The following NPAS3 variants were observed in gnomAD, a reference collection of about 807,000 sequenced individuals.
NPAS3 encodes the protein neuronal PAS domain-containing protein 3.
Under a neutral mutation model 73.1 loss-of-function variants are expected in NPAS3, and 14 were observed. The observed-to-expected ratio is 0.19, with a 90% CI of 0.13 to 0.30. NPAS3 has a LOEUF of 0.30. NPAS3 is among the 10% of genes least tolerant of loss of function. NPAS3 has a pLI of 1.00. For synonymous variants in NPAS3, 620 were observed against 541.5 expected (o/e 1.14, Z -2.01); for missense variants, 1,096 against 1,250.0 (o/e 0.88, Z 1.86).
intron 2 of NPAS3, among the ~76,000 whole-genome samples, chr14:33,071,081 C>A (rs1316582281): frequency 6.6e-6 from 1 of 152,098 alleles, no homozygotes; most frequent in Non-Finnish European, 1.5e-5. Context: ...GTACAACTTA[C>A]CCCCATGACA....
At chr14:33,059,064 G>A (rs76599562) in intron 2 of NPAS3, among the ~76,000 whole-genome samples, 5,817 of 152,228 alleles carry the variant, frequency 0.038, 128 homozygotes, top group East Asian at 0.058. Context: ...CTGGCCTCAC[G>A]TTAGTAACTT....
intron 4 of NPAS3, among the ~76,000 whole-genome samples, chr14:33,495,253 C>T (rs2052115701): frequency 1.3e-5 from 2 of 152,050 alleles, no homozygotes; most frequent in African/African-American, 4.8e-5. Context: ...GGAGCAGGAG[C>T]AGGTTGTTCA....
At chr14:33,797,633 A>G (rs1595635356) in intron 11 of NPAS3, 52 bp downstream of exon 11, 2 of 1,584,456 alleles carry the variant, frequency 1.3e-6, no homozygotes, top group Non-Finnish European at 1.7e-6. Context: ...CACCACGCGC[A>G]GGGGGTGGGC....
chr14:33,644,525 ATC>A (rs1567082670), intron 5 of NPAS3, among the ~76,000 whole-genome samples: 1 of 152,098 alleles, frequency 6.6e-6, no homozygotes, highest in African/African-American at 2.4e-5. Flanking sequence ...TAAGTCACAT[ATC>A]TGTTTTCATT....
At chr14:33,455,839 A>G (rs760893749) in intron 4 of NPAS3, among the ~76,000 whole-genome samples, 4 of 152,230 alleles carry the variant, frequency 2.6e-5, no homozygotes, top group Admixed American at 6.5e-5. Flanking sequence ...ATGCATGTAC[A>G]AAAGTTAAAG....
At chr14:33,384,447 A>G (rs1333789499) in intron 4 of NPAS3, among the ~76,000 whole-genome samples, 2 of 151,746 alleles carry the variant, frequency 1.3e-5, no homozygotes, top group Admixed American at 6.6e-5. Flanking sequence ...ATACCATTGA[A>G]GGCCAGGTGC....
chr14:33,369,404 C>CAAAAAAAAAAAAAAAAAAAAAAA (rs3058296), intron 4 of NPAS3, among the ~76,000 whole-genome samples: 5 of 90,940 alleles, frequency 5.5e-5, no homozygotes, highest in Non-Finnish European at 6.6e-5. Flanking sequence ...GCCTCATTTC[C>CAAAAAAAAAAAAAAAAAAAAAAA]AAAAAAAAAA....
exon 12 of NPAS3, chr14:33,799,756 C>T: frequency 1.3e-6 from 2 of 1,582,466 alleles, no homozygotes; most frequent in Non-Finnish European, 1.7e-6. Context: ...ACTCCAAGTC[C>T]GACGAGAAGG....
In NPAS3 at chr14:33,233,810, TAAA is replaced by T. The variant is rs1566706692; in HGVS notation, c.385+18385_385+18387del. Among the ~76,000 whole-genome samples the T allele has an allele frequency of 2.0e-5, 3 of 152,248 alleles. No homozygotes were observed. The East Asian group carries it at 5.8e-4, about 29-fold the overall frequency. On this transcript the variant is annotated intron_variant, in intron 3 of 11. Coordinates refer to ENST00000356141, the Ensembl canonical transcript of NPAS3. The stretch of plus-strand genomic sequence containing the variant: ...TTTATTCATTTGACATCTATCCTGA[TAAA>T]GAGTTGTAGTTATTTGCATTTAAGC...
chr14:33,109,712 G>T (rs10483423), intron 2 of NPAS3, among the ~76,000 whole-genome samples: 1,957 of 151,778 alleles, frequency 0.013, 48 homozygotes, highest in African/African-American at 0.045. Flanking sequence ...GATTAAACTG[G>T]AATGGACTTT....
intron 5 of NPAS3, among the ~76,000 whole-genome samples, chr14:33,622,311 TA>T (rs200658326): frequency 0.012 from 1,724 of 141,818 alleles, 28 homozygotes; most frequent in African/African-American, 0.04. Context: ...AAATAAACCC[TA>T]AAAAAAAAAA....
At chr14:33,075,118 C>G (rs1346613280) in intron 2 of NPAS3, among the ~76,000 whole-genome samples, 1 of 152,094 alleles carries the variant, frequency 6.6e-6, no homozygotes, top group Non-Finnish European at 1.5e-5. Context: ...AGCATCAACC[C>G]AGTTTTTGTA....
At chr14:33,100,053 A>G (rs2042537662) in intron 2 of NPAS3, among the ~76,000 whole-genome samples, 2 of 152,220 alleles carry the variant, frequency 1.3e-5, no homozygotes. Flanking sequence ...CAAGGCAACT[A>G]TATGTAGCCC....
chr14:33,800,229 A>G lies in NPAS3; in HGVS notation c.1922A>G (p.Asn641Ser), dbSNP rs745486995. ...CCCCCGCGGCTGCTGTCCTCCCCCA[A>G]CAGTGCCTCGGTGCTCAAGATCAAG... The change falls in exon 12 of 12, where the codon AAC (asparagine) becomes AGC (serine). Residue 641 changes from asparagine to serine, a missense_variant. By Grantham distance (46) the Asn-to-Ser change is conservative (BLOSUM62 1). This residue lies in a region of NPAS3 where 698 missense variants were observed against 676.7 expected (regional missense o/e 1.03). Coordinates refer to ENST00000356141, the Ensembl canonical transcript of NPAS3. This position sits in a 1 kb window ranked among gnomAD's most constrained non-coding sequence, Gnocchi z 6.5. The G allele has an allele frequency of 1.2e-5, 19 of 1,612,792 alleles. No homozygotes were observed. The East Asian group carries it at 2.5e-4, about 21-fold the overall frequency.
Position 33,470,476 on chromosome 14 carries a change from C to T in NPAS3, c.469-89645C>T, listed in dbSNP as rs542212577. ...TGAACCATAGGCTTAACTGAAATAA[C>T]TGTCCAAAGAATCAAGTTTTGCTGG... On this transcript the variant is annotated intron_variant, in intron 4 of 11. Coordinates refer to ENST00000356141, the Ensembl canonical transcript of NPAS3. Among the ~76,000 whole-genome samples the T allele has an allele frequency of 2.4e-4, 36 of 152,250 alleles. No homozygotes were observed. The South Asian group carries it at 7.1e-3, about 30-fold the overall frequency.
intron 2 of NPAS3, among the ~76,000 whole-genome samples, chr14:33,184,602 T>A (rs2045918992): frequency 6.6e-6 from 1 of 151,646 alleles, no homozygotes; most frequent in Non-Finnish European, 1.5e-5. Context: ...AGTTAGGGGG[T>A]TATTGCAGTA....
intron 3 of NPAS3, among the ~76,000 whole-genome samples, chr14:33,363,309 T>C (rs1046029583): frequency 1.9e-4 from 29 of 152,214 alleles, no homozygotes; most frequent in Admixed American, 5.9e-4. Context: ...TGTGAGGTTA[T>C]GCTGAAGGAT....
At chr14:33,057,205 T>TGTA (rs1253487214) in intron 2 of NPAS3, among the ~76,000 whole-genome samples, 1 of 152,220 alleles carries the variant, frequency 6.6e-6, no homozygotes, top group Admixed American at 6.5e-5. Context: ...ACTATATACA[T>TGTA]GTAGTTATCT....
At chr14:32,963,557 A>G (rs1381976897) in intron 1 of NPAS3, among the ~76,000 whole-genome samples, 1 of 152,028 alleles carries the variant, frequency 6.6e-6, no homozygotes, top group Non-Finnish European at 1.5e-5. Flanking sequence ...CCCTGCACGT[A>G]CTTACTGACG....
Sources: gnomAD v4.1 joint callset for allele counts (sites outside exome capture counted in the v4.1 genomes callset) on GRCh38, gnomAD v4.1.1 for gene constraint, gnomAD v4.1.1 regional missense constraint, Gnocchi (gnomAD v3.1) non-coding constraint, MANE v1.5 for transcripts, NCBI Gene and HGNC (gene_info 2026-07-23, HGNC 2026-07-21) for gene names.